TNS4: variants seen among roughly 807,000 people sequenced by gnomAD.
TNS4 encodes the protein tensin 4.
Under a neutral mutation model 70.4 loss-of-function variants are expected in TNS4, and 46 were observed. The observed-to-expected ratio is 0.65, with a 90% confidence interval of 0.52 to 0.84. The LOEUF is 0.84. TNS4 is among the 40% of genes least tolerant of loss of function. The probability of loss-of-function intolerance (pLI) is 0.00; values close to 1 mark genes in which losing one functional copy is unlikely to be tolerated. For missense variants in TNS4, 863 were observed against 907.0 expected, an observed-to-expected ratio of 0.95 and a Z score of 0.62; for synonymous variants, 390 against 366.6, an observed-to-expected ratio of 1.06 and a Z score of -0.73.
chr17:40,477,766 C>T (rs1323686541), intron 12 of TNS4, 37 bp from the exon 13 acceptor site: 8 of 1,609,120 alleles, frequency 5.0e-6, no homozygotes, highest in Non-Finnish European at 6.8e-6. Flanking sequence ...GGGGTGGGAC[C>T]CAGGGAGGCA....
intron 4 of TNS4, 141 bp from the exon 5 acceptor site, chr17:40,485,148 T>C (rs1200653523): frequency 5.7e-5 from 38 of 670,314 alleles, no homozygotes; most frequent in Non-Finnish European, 6.8e-5. Context: ...CTAACCCCAT[T>C]GTATCTCCAA....
At chr17:40,479,084 T>A (rs2143776841) in intron 10 of TNS4, among the ~76,000 whole-genome samples, 1 of 152,268 alleles carries the variant, frequency 6.6e-6, no homozygotes. Context: ...CGAGGGAAGA[T>A]GTTCCATCAA....
At position 40,488,627 on chromosome 17, in the gene TNS4, C is replaced by G; in HGVS notation, c.782G>C (p.Gly261Ala). 1 of 1,526,162 alleles carries G rather than the reference C, an allele frequency of 6.6e-7. No individual in the cohort carries two copies. Among genetic ancestry groups the G allele is most frequent in the Non-Finnish European group, 8.8e-7 (1 of 1,137,114 alleles). 94.5% of individuals were successfully genotyped at this position (1,526,162 alleles called of 1,614,324 possible). A position where few individuals can be genotyped will look rare whatever the true frequency, so the allele number is the denominator to read the frequency against. The stretch of plus-strand genomic sequence containing the variant: ...GCTGCCCCGCTGTGGGGCCAGGCCT[C>G]CCAGCCGCTTCTCCAGTCTTGGAGA... ...VASPRLEKRLGGLAPQRGSRI... is the reference protein window; with the variant it reads ...VASPRLEKRLAGLAPQRGSRI... Residue 261 changes from glycine to alanine, a missense_variant, in exon 3 of 13, where the codon GGA becomes GCA. Coordinates refer to ENST00000254051, the MANE Select transcript of TNS4 (RefSeq NM_032865.6).
rs1035037842 is a variant in TNS4 at position 40,482,925 on chromosome 17, C to A, written c.1502-509G>T. On this transcript the variant is annotated intron_variant, in intron 6 of 12. Coordinates refer to ENST00000254051, the MANE Select transcript of TNS4 (RefSeq NM_032865.6). ...TTTTTTTGGGGGTGGGGTGGGGAAA[C>A]CTTTCTGCTGGTCAAGAGTTATCAG... 2.6e-5 allele frequency among the ~76,000 whole-genome samples: 4 copies of A among 151,828 alleles called. No homozygotes were observed. In the East Asian group the frequency reaches 7.7e-4, roughly 29 times the overall value.
chr17:40,490,145 A>G (rs1172699973), intron 2 of TNS4, among the ~76,000 whole-genome samples: 1 of 152,010 alleles, frequency 6.6e-6, no homozygotes, highest in Non-Finnish European at 1.5e-5. Context: ...TTCTTGAGCT[A>G]TGGATCTCCT....
In TNS4 at chr17:40,496,212, C is replaced by T; in HGVS notation, c.214G>A (p.Val72Met). 6.2e-7 allele frequency: 1 copy of T among 1,601,900 alleles called. No homozygotes were observed. Residue 72 changes from valine to methionine, a missense_variant, in exon 2 of 13, where the codon GTG becomes ATG. Coordinates refer to ENST00000254051, the MANE Select transcript of TNS4 (RefSeq NM_032865.6). ...AGGAAGCAGGTGGCTTTGGCCTCCA[C>T]CTGTGGGGCTTGCTGGAGTCGGCCA... is the stretch of plus-strand genomic sequence containing the variant. ...PPGRLQQAPQ[V>M]EAKATCFLPS...
In TNS4 at chr17:40,482,363, C is replaced by T; in HGVS notation, c.1555G>A (p.Gly519Arg). The change falls in exon 7 of 13, where the codon GGA (glycine) becomes AGA (arginine). Residue 519 changes from glycine to arginine, a missense_variant. Physicochemically the swap from Gly to Arg is moderately radical, Grantham distance 125. Coordinates refer to ENST00000254051, the MANE Select transcript of TNS4 (RefSeq NM_032865.6). Reference protein sequence around the residue: ...RHFLIESSAKGVHLKGADEEP... With the variant: ...RHFLIESSAKRVHLKGADEEP... Reference sequence around the variant, plus strand: ...TCATCTGCTCCTTTGAGATGCACTCCTTTGGCAGACGACTCGATGAGGAAG... The same window carrying T: ...TCATCTGCTCCTTTGAGATGCACTCTTTTGGCAGACGACTCGATGAGGAAG... 6.2e-7 allele frequency: 1 copy of T among 1,614,162 alleles called. No homozygotes were observed. The highest frequency in any genetic ancestry group is 8.5e-7 in the Non-Finnish European group (1 of 1,180,040).
At chr17:40,489,720 G>A (rs1316722777) in intron 2 of TNS4, among the ~76,000 whole-genome samples, 2 of 151,338 alleles carry the variant, frequency 1.3e-5, no homozygotes, top group African/African-American at 2.4e-5. Context: ...GCTTGAACCC[G>A]GGAGGCAGAG....
In TNS4 at chr17:40,484,537, A is replaced by C; in HGVS notation, c.1448T>G (p.Phe483Cys). 6 of 1,612,772 alleles carry C rather than the reference A, an allele frequency of 3.7e-6. No individual in the cohort carries two copies. Among genetic ancestry groups the C allele is most frequent in the Non-Finnish European group, 5.1e-6 (6 of 1,179,988 alleles). Reference sequence around the variant, plus strand: ...CTCCTGCACCTTCAGGGCCAGGCCGAAGGAGCCTCGGTATGAAGAGCTGTC... The same window carrying C: ...CTCCTGCACCTTCAGGGCCAGGCCGCAGGAGCCTCGGTATGAAGAGCTGTC... ...IRDSSSYRGS[F>C]GLALKVQEVP... The change falls in exon 6 of 13, where the codon TTC becomes TGC. Residue 483 changes from phenylalanine (F) to cysteine (C), a missense_variant. By Grantham distance (205) the Phe-to-Cys change is radical. Coordinates refer to ENST00000254051, the MANE Select transcript of TNS4 (RefSeq NM_032865.6).
intron 6 of TNS4, among the ~76,000 whole-genome samples, chr17:40,483,008 G>A (rs959551272): frequency 6.6e-6 from 1 of 151,200 alleles, no homozygotes; most frequent in Non-Finnish European, 1.5e-5. Context: ...GGAGTGCAGC[G>A]GCATGATCTC....
intron 12 of TNS4, chr17:40,477,977 G>A: frequency 1.7e-6 from 1 of 601,758 alleles, no homozygotes; most frequent in South Asian, 2.0e-5. Context: ...TTGAGGACAG[G>A]ACCTGTGCAT....
chr17:40,491,778 G>C (rs117423066), intron 2 of TNS4, among the ~76,000 whole-genome samples: 5,788 of 152,294 alleles, frequency 0.038, 166 homozygotes, highest in Non-Finnish European at 0.058. Context: ...TGTGGGGCAA[G>C]TCTGAGCAGT....
At position 40,499,658 on chromosome 17, in the gene TNS4, G is replaced by A. The variant is rs375350599; in HGVS notation, c.-96+1876C>T. Among the ~76,000 whole-genome samples, 5 of 152,238 alleles carry A rather than the reference G, an allele frequency of 3.3e-5. No individual in the cohort carries two copies. In the East Asian group the frequency reaches 7.7e-4, roughly 23 times the overall value. On this transcript the variant is annotated intron_variant, in intron 1 of 12. Coordinates refer to ENST00000254051, the MANE Select transcript of TNS4 (RefSeq NM_032865.6). Reference sequence around the variant, plus strand: ...GCAGGGGGCGGGGCATCCCGGGCACGGGAAGCTTTCTATAAATGGAAGTGG... The same window carrying A: ...GCAGGGGGCGGGGCATCCCGGGCACAGGAAGCTTTCTATAAATGGAAGTGG...
intron 2 of TNS4, among the ~76,000 whole-genome samples, chr17:40,489,281 C>T (rs1471738435): frequency 6.6e-6 from 1 of 152,082 alleles, no homozygotes; most frequent in East Asian, 1.9e-4. Flanking sequence ...CACCCAGGGC[C>T]TCAGTTTCCA....
rs530289976 is a variant in TNS4 at position 40,479,811 on chromosome 17, G to A, written c.1773C>T (p.Ser591=). ...CCAGGGCTCCAGTCAGGGTCTCCAC[G>A]CTCACTGAGCTCAGGTACAGGGTGT... ...GCHTLYLSSV[S]VETLTGALAV... The change falls in exon 10 of 13, where the codon AGC becomes AGT. Residue 591 remains serine, a synonymous_variant. Transcript: ENST00000254051. 3 of 1,613,244 alleles carry A rather than the reference G, an allele frequency of 1.9e-6. No individual in the cohort carries two copies. Among genetic ancestry groups the A allele is most frequent in the South Asian group, 2.2e-5 (2 of 90,974 alleles).
At chr17:40,479,959 G>A in intron 9 of TNS4, 117 bp from the exon 10 acceptor site, 10 of 1,303,048 alleles carry the variant, frequency 7.7e-6, no homozygotes, top group Non-Finnish European at 9.2e-6. Flanking sequence ...GCTCCTCTTA[G>A]AGCCGCCACC....
At chr17:40,493,212 T>G (rs1440982570) in intron 2 of TNS4, among the ~76,000 whole-genome samples, 1 of 152,144 alleles carries the variant, frequency 6.6e-6, no homozygotes, top group Admixed American at 6.5e-5. Context: ...AATATAGAAT[T>G]GCCAATGTTT....
chr17:40,496,689 G>A (rs1235046069), intron 1 of TNS4, among the ~76,000 whole-genome samples, 169 bp from the exon 2 acceptor site: 1 of 152,176 alleles, frequency 6.6e-6, no homozygotes, highest in Non-Finnish European at 1.5e-5. Context: ...ATAACCTTGG[G>A]CAAGTTAATT....
At position 40,476,129 on chromosome 17, in the gene TNS4, A is replaced by C. The variant is rs911685617; in HGVS notation, c.*1459T>G. 2 of 150,656 alleles carry C rather than the reference A, an allele frequency of 1.3e-5. No homozygotes were observed. The allele number at this position is 150,656 out of a possible 1,614,324, so 9.3% of individuals were successfully genotyped here. On this transcript the variant is annotated 3_prime_UTR_variant, in exon 13 of 13. Transcript: ENST00000254051. ...GCAGGCACTTGCTCCTCGTAGAGCA[A>C]GAGTGGGTTTCTTCCCTGACCCTCC...
Sources: allele counts gnomAD v4.1 joint callset (sites outside exome capture counted in the v4.1 genomes callset), GRCh38; gene constraint gnomAD v4.1.1; transcripts MANE v1.5; gene names NCBI Gene and HGNC (gene_info 2026-07-23, HGNC 2026-07-21).